The following MARCO variants were observed in gnomAD, a reference collection of about 807,000 sequenced individuals.
The protein encoded by MARCO is macrophage receptor with collagenous structure.
A neutral mutation model predicts 70.0 loss-of-function variants in MARCO; 72 were observed. That is an observed-to-expected ratio of 1.03 (90% confidence interval 0.85 to 1.25). The LOEUF (loss-of-function observed/expected upper bound fraction) is 1.25, where lower values mean the gene tolerates loss of function less well. Among genes scored for constraint, MARCO ranks in the 50% most tolerant of loss-of-function variants. The pLI is 0.00. For synonymous variants in MARCO, 273 were observed against 243.1 expected, an observed-to-expected ratio of 1.12 and a Z score of -1.14; for missense variants, 696 against 659.3, an observed-to-expected ratio of 1.06 and a Z score of -0.61.
At chr2:118,977,575 T>TGCCCCCCCCCC in intron 7 of MARCO, 60 bp downstream of exon 7, 3 of 1,432,662 alleles carry the variant, frequency 2.1e-6, no homozygotes, top group Non-Finnish European at 2.0e-6. Flanking sequence ...CTGAGGCAGT[T>TGCCCCCCCCCC]CCCCCCCACC....
intron 6 of MARCO, 31 bp from the exon 7 acceptor site, chr2:118,977,440 A>G: frequency 6.3e-7 from 1 of 1,599,570 alleles, no homozygotes; most frequent in East Asian, 2.2e-5. Context: ...CTCAGGCCAC[A>G]GCAACTGAGC....
chr2:118,993,462 C>G (rs191872584), intron 16 of MARCO, among the ~76,000 whole-genome samples, 162 bp downstream of exon 16: 5 of 152,276 alleles, frequency 3.3e-5, no homozygotes, highest in Admixed American at 6.5e-5. Context: ...AGGTATGCAT[C>G]CTTCCAGCTT....
intron 12 of MARCO, among the ~76,000 whole-genome samples, chr2:118,984,043 C>A (rs1490219937): frequency 6.6e-6 from 1 of 152,180 alleles, no homozygotes; most frequent in Non-Finnish European, 1.5e-5. Context: ...CTCTTTGTAG[C>A]ACAACTTTAC....
intron 1 of MARCO, among the ~76,000 whole-genome samples, chr2:118,950,765 TA>T (rs1679707197): frequency 6.6e-6 from 1 of 151,884 alleles, no homozygotes; most frequent in Admixed American, 6.6e-5. Context: ...ATTTACCATA[TA>T]ACATTCCTTT....
rs1680475994 is a variant in MARCO at position 118,985,988 on chromosome 2, A to T, written c.1063+3578A>T. 5.9e-5 allele frequency among the ~76,000 whole-genome samples: 9 copies of T among 152,330 alleles called. No homozygotes were observed. In the South Asian group the frequency reaches 1.9e-3, roughly 32 times the overall value. On this transcript the variant is annotated intron_variant, in intron 12 of 16. Coordinates refer to ENST00000327097, the MANE Select transcript of MARCO (RefSeq NM_006770.4). ...GTTTTACTTTAAAGATAAGCCAAAA[A>T]GATCATCCATAATAGCAATTGAGCC...
At chr2:118,964,687 A>G (rs1320747899) in intron 1 of MARCO, among the ~76,000 whole-genome samples, 1 of 152,074 alleles carries the variant, frequency 6.6e-6, no homozygotes, top group Non-Finnish European at 1.5e-5. Flanking sequence ...CAGGAATTCA[A>G]GACCAGCCTG....
rs761471559 is a variant in MARCO at position 118,993,260 on chromosome 2, G to A, written c.1389G>A (p.Leu463=). 5 of 1,614,184 alleles carry A rather than the reference G, an allele frequency of 3.1e-6. No homozygotes were observed. In the East Asian group the frequency reaches 1.1e-4, roughly 36 times the overall value. The change falls in exon 16 of 17, where the codon CTG becomes CTA. Residue 463 remains leucine, a synonymous_variant. Coordinates refer to ENST00000327097, the MANE Select transcript of MARCO (RefSeq NM_006770.4). ...ATGCCATTGTCTTCTGCCGCATGCT[G>A]GGTTACTCCAAAGGAAGGGCCCTGT... ...NSDAIVFCRM[L]GYSKGRALYK... is the part of the protein sequence containing the mutation.
chr2:118,977,472 C>G lies in MARCO; in HGVS notation c.615C>G (p.Gly205=). 3 of 1,613,712 alleles carry G rather than the reference C, an allele frequency of 1.9e-6. No individual in the cohort carries two copies. Among genetic ancestry groups the G allele is most frequent in the Non-Finnish European group, 2.5e-6 (3 of 1,179,676 alleles). ...QGPPGVKGEA[G]LQGPQGAPGK... ...GAGCTCTTTTTTCCTTCCTCACAGG[C>G]CTCCAAGGACCCCAGGGTGCTCCAG... The change falls in exon 7 of 17, where the codon GGC becomes GGG. Residue 205 remains glycine (G), a splice_region_variant and synonymous_variant. Transcript: ENST00000327097.
At chr2:118,945,199 T>C (rs1221938367) in intron 1 of MARCO, among the ~76,000 whole-genome samples, 1 of 152,068 alleles carries the variant, frequency 6.6e-6, no homozygotes, top group Non-Finnish European at 1.5e-5. Flanking sequence ...CATTTGGGCT[T>C]GAACGAGAGG....
chr2:118,994,630 G>A lies in MARCO; in HGVS notation c.*110G>A. The A allele has an allele frequency of 9.1e-7, 1 of 1,104,050 alleles. No individual in the cohort carries two copies. The highest frequency in any genetic ancestry group is 1.3e-6 in the Non-Finnish European group (1 of 784,294). The allele number at this position is 1,104,050 out of a possible 1,614,324, so 68.4% of individuals were successfully genotyped here. A position where few individuals can be genotyped will look rare whatever the true frequency, so the allele number is the denominator to read the frequency against. The stretch of plus-strand genomic sequence containing the variant: ...GGGACAACTGAGCAGCCTCTGGAGA[G>A]GGGCCATTAATAAAGCTCAACATCA... On this transcript the variant is annotated 3_prime_UTR_variant, in exon 17 of 17. Transcript: ENST00000327097.
At chr2:118,945,028 T>A (rs1371562954) in intron 1 of MARCO, 1 of 152,184 alleles carries the variant, frequency 6.6e-6, no homozygotes, top group East Asian at 1.9e-4. Context: ...TTGATATATG[T>A]ATCCATGGAT....
chr2:118,960,250 T>C (rs1304617663), intron 1 of MARCO, among the ~76,000 whole-genome samples: 1 of 152,156 alleles, frequency 6.6e-6, no homozygotes, highest in Non-Finnish European at 1.5e-5. Context: ...ATGCCTTTTA[T>C]TTCTTTTTCT....
chr2:118,970,190 G>C lies in MARCO; in HGVS notation c.276G>C (p.Pro92=), dbSNP rs750963747. The C allele has an allele frequency of 2.5e-5, 41 of 1,614,034 alleles. No individual in the cohort carries two copies. Among genetic ancestry groups the C allele is most frequent in the Non-Finnish European group, 3.0e-5 (35 of 1,180,032 alleles). The change falls in exon 3 of 17, where the codon CCG becomes CCC. Residue 92 remains proline (P), a synonymous_variant. Transcript: ENST00000327097. ...LNDTLAAEDS[P]SFSLLQSAHP... ...ACACTCTGGCGGCTGAGGACAGCCC[G>C]TCCTTCTCCTTGCTGCAGTCAGCAC...
chr2:118,977,066 G>A (rs939822343), intron 6 of MARCO, among the ~76,000 whole-genome samples: 1 of 152,154 alleles, frequency 6.6e-6, no homozygotes, highest in Non-Finnish European at 1.5e-5. Flanking sequence ...AACTAATCTA[G>A]TCTCACAAGA....
intron 8 of MARCO, among the ~76,000 whole-genome samples, chr2:118,979,437 A>C (rs1051536156): frequency 6.6e-6 from 1 of 152,170 alleles, no homozygotes; most frequent in Non-Finnish European, 1.5e-5. Context: ...CACCAGGAAC[A>C]TGGTTGGGTG....
chr2:118,955,575 G>A, intron 1 of MARCO, among the ~76,000 whole-genome samples: 1 of 152,174 alleles, frequency 6.6e-6, no homozygotes, highest in East Asian at 1.9e-4. Flanking sequence ...CAGAGACTTA[G>A]ACATGGAAAC....
chr2:118,944,003 A>T (rs1679550820), intron 1 of MARCO, among the ~76,000 whole-genome samples: 1 of 152,182 alleles, frequency 6.6e-6, no homozygotes, highest in South Asian at 2.1e-4. Flanking sequence ...AGGCAGGAAA[A>T]TAAAGGAATG....
At chr2:118,946,501 A>G (rs1033737292) in intron 1 of MARCO, among the ~76,000 whole-genome samples, 21 of 152,152 alleles carry the variant, frequency 1.4e-4, no homozygotes, top group Non-Finnish European at 2.6e-4. Flanking sequence ...GTATCCATCC[A>G]TAGTTGGCTC....
At chr2:118,992,954 C>A in intron 15 of MARCO, 170 bp from the exon 16 acceptor site, 1 of 623,444 alleles carries the variant, frequency 1.6e-6, no homozygotes, top group East Asian at 2.8e-5. Flanking sequence ...AGGCTGCGTG[C>A]CAGGTTGGGT....
Sources: gnomAD v4.1 joint callset for allele counts (sites outside exome capture counted in the v4.1 genomes callset) on GRCh38, gnomAD v4.1.1 for gene constraint, MANE v1.5 for transcripts, NCBI Gene and HGNC (gene_info 2026-07-23, HGNC 2026-07-21) for gene names.